Variants in ALB observed in about 807,000 individuals in gnomAD.
The protein encoded by ALB is serum albumin.
A neutral mutation model predicts 74.5 loss-of-function variants in ALB; 37 were observed. The observed-to-expected ratio is 0.50, with a 90% CI of 0.38 to 0.65. The LOEUF (loss-of-function observed/expected upper bound fraction) is 0.65. Ranked by LOEUF, ALB falls within the 30% of genes least tolerant of loss-of-function variation. The probability of loss-of-function intolerance (pLI) is 0.00; values close to 1 mark genes in which losing one functional copy is unlikely to be tolerated. For missense variants in ALB, 685 were observed against 718.7 expected (o/e 0.95, Z 0.54); for synonymous variants, 249 against 251.6 (o/e 0.99, Z 0.10).
chr4:73,405,204 A>G (rs1354458300), intron 2 of ALB, 31 bp downstream of exon 2: 5 of 1,524,614 alleles, frequency 3.3e-6, no homozygotes, highest in Admixed American at 3.3e-5. Context: ...ATCAAATTTA[A>G]TGTTTCTAAT....
intron 8 of ALB, among the ~76,000 whole-genome samples, chr4:73,414,416 T>C (rs1307089263): frequency 6.6e-6 from 1 of 152,208 alleles, no homozygotes; most frequent in Non-Finnish European, 1.5e-5. Flanking sequence ...CAGTGTGTGC[T>C]TTGTGTAGAT....
chr4:73,406,482 C>T lies in ALB; in HGVS notation c.138-147C>T, dbSNP rs1718732761. 1.1e-5 allele frequency: 9 copies of T among 790,918 alleles called. No individual in the cohort carries two copies. In the South Asian group the frequency reaches 1.3e-4, roughly 12 times the overall value. The allele number at this position is 790,918 out of a possible 1,614,324, so 49.0% of individuals were successfully genotyped here. ...ATGCCTATCTAGGCCTCAGATCATA[C>T]CTGATATGAATAGGCTTTCTGGATA... is the stretch of plus-strand genomic sequence containing the variant. On this transcript the variant is annotated intron_variant, in intron 2 of 14. Transcript: ENST00000295897.
chr4:73,414,964 T>G, intron 8 of ALB, 71 bp from the exon 9 acceptor site: 4 of 1,569,544 alleles, frequency 2.5e-6, no homozygotes, highest in Non-Finnish European at 2.6e-6. Flanking sequence ...GAGTTACTTT[T>G]GAGATTAGCT....
intron 8 of ALB, 88 bp from the exon 9 acceptor site, chr4:73,414,947 G>A: frequency 1.3e-6 from 2 of 1,517,754 alleles, no homozygotes; most frequent in Non-Finnish European, 1.8e-6. Flanking sequence ...TAAGACTTTT[G>A]GAATATGAGT....
At chr4:73,418,762 A>G (rs907941839) in intron 12 of ALB, among the ~76,000 whole-genome samples, 5 of 152,210 alleles carry the variant, frequency 3.3e-5, no homozygotes, top group Non-Finnish European at 7.4e-5. Flanking sequence ...ACATGTAGAA[A>G]TGCAAGCCCT....
At chr4:73,415,234 A>G (rs1163261425) in intron 9 of ALB, 67 bp downstream of exon 9, 6 of 1,560,094 alleles carry the variant, frequency 3.8e-6, no homozygotes, top group Non-Finnish European at 5.3e-6. Flanking sequence ...AAAGAAAAAT[A>G]ATGCAAGAAT....
rs1718789674 is a variant in ALB, at chr4:73,408,560, G to A, written c.271-34G>A. On this transcript the variant is annotated intron_variant, in intron 3 of 14. Transcript: ENST00000295897. Reference sequence around the variant, plus strand: ...TTTGGCTATAAAGAAAAAAGGTACTGTCCAGCAACTGAAACCTGCTTTCTT... The same window carrying A: ...TTTGGCTATAAAGAAAAAAGGTACTATCCAGCAACTGAAACCTGCTTTCTT... The A allele has an allele frequency of 3.2e-6, 5 of 1,581,948 alleles. 1 individual carries two copies. In the Middle Eastern group the frequency reaches 5.0e-4, roughly 158 times the overall value.
intron 3 of ALB, among the ~76,000 whole-genome samples, chr4:73,407,241 C>CTGTATTAAA (rs1396800367): frequency 6.6e-6 from 1 of 152,056 alleles, no homozygotes; most frequent in Non-Finnish European, 1.5e-5. Flanking sequence ...AAACTTTGTG[C>CTGTATTAAA]CCATTGATTA....
At position 73,416,239 on chromosome 4, in the gene ALB, A is replaced by G. The variant is rs1376576354; in HGVS notation, c.1192-17A>G. ...CCTGAGGCATAATACTATTAACACAATTCTTTTATGTTTCAGTTCGATGAA... is the reference window on the plus strand; with the variant it reads ...CCTGAGGCATAATACTATTAACACAGTTCTTTTATGTTTCAGTTCGATGAA... On this transcript the variant is annotated splice_polypyrimidine_tract_variant and intron_variant, in intron 9 of 14. Coordinates refer to ENST00000295897, the MANE Select transcript of ALB (RefSeq NM_000477.7). The G allele has an allele frequency of 6.2e-7, 1 of 1,605,340 alleles. No homozygotes were observed. The highest frequency in any genetic ancestry group is 8.5e-7 in the Non-Finnish European group (1 of 1,172,578).
chr4:73,406,239 A>G (rs1718724766), intron 2 of ALB, among the ~76,000 whole-genome samples: 1 of 152,198 alleles, frequency 6.6e-6, no homozygotes, highest in African/African-American at 2.4e-5. Context: ...AGCCTGGGTG[A>G]CAGAGTGAGA....
intron 7 of ALB, 172 bp downstream of exon 7, chr4:73,412,297 A>G (rs1718898027): frequency 1.3e-6 from 1 of 790,328 alleles, no homozygotes; most frequent in South Asian, 1.5e-5. Context: ...TCTGTTTTTA[A>G]CCTGGCTATA....
chr4:73,414,312 A>G (rs1718960720), intron 8 of ALB, among the ~76,000 whole-genome samples: 1 of 152,228 alleles, frequency 6.6e-6, no homozygotes, highest in African/African-American at 2.4e-5. Context: ...CTGCCCATCT[A>G]TTTATCAGAA....
At chr4:73,410,977 C>T (rs1026329569) in intron 6 of ALB, among the ~76,000 whole-genome samples, 1 of 152,244 alleles carries the variant, frequency 6.6e-6, no homozygotes, top group Admixed American at 6.5e-5. Context: ...AGCTCCAGCT[C>T]TGATCTTCAT....
At chr4:73,419,079 TTAAA>T (rs1719084881) in intron 12 of ALB, among the ~76,000 whole-genome samples, 1 of 152,096 alleles carries the variant, frequency 6.6e-6, no homozygotes. Flanking sequence ...GAGAAAAATT[TTAAA>T]TAAAGTCCAA....
chr4:73,420,852 A>G, intron 14 of ALB: 1 of 406,658 alleles, frequency 2.5e-6, no homozygotes, highest in Non-Finnish European at 4.4e-6. Context: ...TACATTTCCA[A>G]TTTGTCAACA....
intron 12 of ALB, among the ~76,000 whole-genome samples, chr4:73,418,781 AC>A (rs1409591268): frequency 6.6e-6 from 1 of 152,090 alleles, no homozygotes; most frequent in Non-Finnish European, 1.5e-5. Context: ...CTGAAGCTCA[AC>A]TCCCTATTGC....
intron 8 of ALB, among the ~76,000 whole-genome samples, chr4:73,414,310 CTATT>C (rs1233916037): frequency 6.6e-6 from 1 of 152,182 alleles, no homozygotes; most frequent in Non-Finnish European, 1.5e-5. Flanking sequence ...CTCTGCCCAT[CTATT>C]TATCAGAATC....
intron 9 of ALB, 42 bp downstream of exon 9, chr4:73,415,209 G>A (rs746585908): frequency 1.2e-6 from 2 of 1,608,090 alleles, no homozygotes; most frequent in Non-Finnish European, 1.7e-6. Context: ...TTTGACTGAT[G>A]ATTCCAATAA....
chr4:73,405,266 G>C (rs1225091923), intron 2 of ALB, 93 bp downstream of exon 2: 13 of 1,142,154 alleles, frequency 1.1e-5, no homozygotes, highest in Non-Finnish European at 1.6e-5. Flanking sequence ...TCAGGGTTCA[G>C]ATTCTAAAAC....
Sources: gnomAD v4.1 joint callset for allele counts (sites outside exome capture counted in the v4.1 genomes callset) on GRCh38, gnomAD v4.1.1 for gene constraint, MANE v1.5 for transcripts, NCBI Gene and HGNC (gene_info 2026-07-23, HGNC 2026-07-21) for gene names.